The following DCBLD1 variants were observed in gnomAD, a reference collection of about 807,000 sequenced individuals.
The protein encoded by DCBLD1 is discoidin, CUB and LCCL domain-containing protein 1.
DCBLD1 carries 57 observed loss-of-function variants against 71.5 expected under a neutral mutation model. The observed-to-expected ratio is 0.80, with a 90% confidence interval of 0.64 to 0.99. DCBLD1 has a LOEUF of 0.99. DCBLD1 is among the 50% of genes least tolerant of loss of function. The pLI, the probability that DCBLD1 is intolerant of heterozygous loss-of-function variation, is 0.00. For missense variants in DCBLD1, 891 were observed against 923.5 expected (o/e 0.96, Z 0.46); for synonymous variants, 380 against 363.8 (o/e 1.04, Z -0.51).
intron 14 of DCBLD1, chr6:117,562,271 G>C (rs565329343): frequency 9.7e-6 from 2 of 206,394 alleles, no homozygotes; most frequent in South Asian, 3.8e-4. Context: ...CCACCTTTTA[G>C]ATGACTGGAA....
chr6:117,545,255 A>C (rs1779228369), intron 13 of DCBLD1, among the ~76,000 whole-genome samples: 1 of 152,006 alleles, frequency 6.6e-6, no homozygotes, highest in Non-Finnish European at 1.5e-5. Context: ...GATGAGGGCA[A>C]AATACCTTTT....
chr6:117,510,217 C>A (rs1335716542), intron 2 of DCBLD1, among the ~76,000 whole-genome samples: 1 of 152,166 alleles, frequency 6.6e-6, no homozygotes, highest in Non-Finnish European at 1.5e-5. Flanking sequence ...CATGCCATTT[C>A]CCAAATGCAT....
chr6:117,508,578 G>A (rs370479254), intron 2 of DCBLD1, among the ~76,000 whole-genome samples: 1 of 152,068 alleles, frequency 6.6e-6, no homozygotes, highest in African/African-American at 2.4e-5. Flanking sequence ...ACCTTGACTT[G>A]CCCTCTGGGT....
chr6:117,495,815 G>A (rs181385342), intron 1 of DCBLD1, among the ~76,000 whole-genome samples: 3 of 152,328 alleles, frequency 2.0e-5, no homozygotes, highest in Admixed American at 2.0e-4. Context: ...GCTAGATTTT[G>A]AGATTTTTTT....
chr6:117,530,774 T>C (rs958219521), intron 5 of DCBLD1, among the ~76,000 whole-genome samples: 2 of 152,196 alleles, frequency 1.3e-5, no homozygotes, highest in Non-Finnish European at 2.9e-5. Context: ...AAACTGATGA[T>C]AAGAAAGCTT....
chr6:117,519,737 C>G, intron 2 of DCBLD1, 79 bp from the exon 3 acceptor site: 1 of 1,549,826 alleles, frequency 6.5e-7, no homozygotes, highest in South Asian at 1.2e-5. Context: ...TTTGGCCTTT[C>G]AAGGAAAAAA....
Position 117,549,433 on chromosome 6 carries a change from C to T in DCBLD1, c.*994C>T. ...TCATTTTATAAGAAATGATTTTCCC[C>T]TCAAGGAGGCGTCTGTAATTCCAGA... On this transcript the variant is annotated 3_prime_UTR_variant, in exon 15 of 15. Coordinates refer to ENST00000338728, the MANE Select transcript of DCBLD1 (RefSeq NM_001366458.2). The T allele has an allele frequency of 2.0e-6, 2 of 985,342 alleles. No individual in the cohort carries two copies. Among genetic ancestry groups the T allele is most frequent in the African/African-American group, 1.7e-5 (1 of 57,308 alleles). The allele number at this position is 985,342 out of a possible 1,614,324, so 61.0% of individuals were successfully genotyped here. A position where few individuals can be genotyped will look rare whatever the true frequency, so the allele number is the denominator to read the frequency against.
chr6:117,549,838 G>A, downstream of DCBLD1: 1 of 985,400 alleles, frequency 1.0e-6, no homozygotes, highest in Non-Finnish European at 1.2e-6. Flanking sequence ...TCGCTGGGGT[G>A]TTAGAGGCAC....
chr6:117,539,413 TAGG>T (rs1779014992), intron 9 of DCBLD1, 34 bp downstream of exon 9: 7 of 1,572,432 alleles, frequency 4.5e-6, no homozygotes, highest in Non-Finnish European at 6.0e-6. Flanking sequence ...GAGAACTGAG[TAGG>T]AGAACAGGCC....
chr6:117,520,326 G>A (rs1778345826), intron 3 of DCBLD1, among the ~76,000 whole-genome samples: 1 of 152,228 alleles, frequency 6.6e-6, no homozygotes, highest in African/African-American at 2.4e-5. Flanking sequence ...GGCCCAAGGG[G>A]CATGGGTTGG....
chr6:117,485,321 G>T (rs78367928), intron 1 of DCBLD1, among the ~76,000 whole-genome samples: 3,753 of 152,306 alleles, frequency 0.025, 64 homozygotes, highest in Non-Finnish European at 0.037. Context: ...ATGAGCGCTT[G>T]ATCTCTGAGG....
At chr6:117,510,548 G>C (rs1421260308) in intron 2 of DCBLD1, among the ~76,000 whole-genome samples, 1 of 152,092 alleles carries the variant, frequency 6.6e-6, no homozygotes, top group Non-Finnish European at 1.5e-5. Flanking sequence ...GTCAGATACG[G>C]GATGCCCTGA....
chr6:117,565,112 A>G (rs1477895349), intron 14 of DCBLD1, among the ~76,000 whole-genome samples: 1 of 152,232 alleles, frequency 6.6e-6, no homozygotes, highest in Non-Finnish European at 1.5e-5. Context: ...ATGACAATAA[A>G]TCCAGAAGGT....
intron 14 of DCBLD1, chr6:117,563,180 T>G: frequency 7.1e-7 from 1 of 1,416,260 alleles, no homozygotes; most frequent in Non-Finnish European, 9.8e-7. Flanking sequence ...TTTTGTAGTC[T>G]TTGTCACCAT....
At position 117,548,059 on chromosome 6, in the gene DCBLD1, G is replaced by T; in HGVS notation, c.1768G>T (p.Ala590Ser). ...GCAGCGGGCCGGCCGCCACGAGTACGCGCTGCCCCTGGCGCCCCCGGAGCC... is the reference window on the plus strand; with the variant it reads ...GCAGCGGGCCGGCCGCCACGAGTACTCGCTGCCCCTGGCGCCCCCGGAGCC... ...CPQRAGRHEYALPLAPPEPEY... is the reference protein window; with the variant it reads ...CPQRAGRHEYSLPLAPPEPEY... Residue 590 changes from alanine to serine, a missense_variant, in exon 15 of 15, where the codon GCG becomes TCG. Physicochemically the swap from Ala to Ser is moderately conservative, Grantham distance 99. Coordinates refer to ENST00000338728, the MANE Select transcript of DCBLD1 (RefSeq NM_001366458.2). The T allele has an allele frequency of 6.5e-7, 1 of 1,548,894 alleles. No homozygotes were observed. Among genetic ancestry groups the T allele is most frequent in the East Asian group, 2.4e-5 (1 of 40,848 alleles).
chr6:117,502,867 C>T (rs1281074689), intron 1 of DCBLD1, among the ~76,000 whole-genome samples: 1 of 152,156 alleles, frequency 6.6e-6, no homozygotes, highest in Admixed American at 6.5e-5. Context: ...TAAGTCACTT[C>T]AATCAACTAG....
At chr6:117,561,177 T>TCAGTC (rs1369569964) in intron 14 of DCBLD1, 3 of 223,848 alleles carry the variant, frequency 1.3e-5, no homozygotes, top group Non-Finnish European at 2.7e-5. Context: ...ATTCTATTTA[T>TCAGTC]CAGTCCTTAA....
intron 11 of DCBLD1, among the ~76,000 whole-genome samples, chr6:117,541,560 C>T (rs1228008288): frequency 5.9e-5 from 9 of 152,038 alleles, no homozygotes; most frequent in South Asian, 2.1e-4. Context: ...CTTTTGTATA[C>T]GGTTTGCATT....
rs142782503 is a variant in DCBLD1 at position 117,489,197 on chromosome 6, G to A, written c.112+6304G>A. Among the ~76,000 whole-genome samples the A allele has an allele frequency of 1.7e-3, 252 of 152,282 alleles. 2 individuals carry two copies. The highest frequency in any genetic ancestry group is 5.5e-3 in the African/African-American group (228 of 41,554). On this transcript the variant is annotated intron_variant, in intron 1 of 14. Transcript: ENST00000338728. ...TGGTGAGGGCCTCAGGAAGCTTGCGGTCATGACAGAAGGTGAAGGAGAAGC... is the reference window on the plus strand; with the variant it reads ...TGGTGAGGGCCTCAGGAAGCTTGCGATCATGACAGAAGGTGAAGGAGAAGC...
Sources: allele counts gnomAD v4.1 joint callset (sites outside exome capture counted in the v4.1 genomes callset), GRCh38; gene constraint gnomAD v4.1.1; transcripts MANE v1.5; gene names NCBI Gene and HGNC (gene_info 2026-07-23, HGNC 2026-07-21).